Variants in ICAM3 observed in about 807,000 individuals in gnomAD.
ICAM3 encodes intercellular adhesion molecule 3.
ICAM3 carries 54 observed loss-of-function variants against 43.6 expected under a neutral mutation model. That is an observed-to-expected ratio of 1.24 (90% confidence interval 0.99 to 1.55). The LOEUF (loss-of-function observed/expected upper bound fraction) is 1.55. Ranked by LOEUF, ICAM3 falls within the 40% of genes most tolerant of loss-of-function variation. ICAM3 has a pLI of 0.00. For missense variants in ICAM3, 715 were observed against 717.9 expected, an observed-to-expected ratio of 1.00 and a Z score of 0.05; for synonymous variants, 306 against 312.6, an observed-to-expected ratio of 0.98 and a Z score of 0.22.
chr19:10,335,017 A>G (rs1414716813), intron 4 of ICAM3, 49 bp downstream of exon 4: 1 of 1,575,798 alleles, frequency 6.3e-7, no homozygotes, highest in South Asian at 1.2e-5. Context: ...CCCCTCTGCC[A>G]CGCCCCCAGA....
rs369091029 is a variant in ICAM3 at position 10,338,922 on chromosome 19, G to A, written c.103C>T (p.Arg35Trp). 34 of 1,613,802 alleles carry A rather than the reference G, an allele frequency of 2.1e-5. No homozygotes were observed. Among genetic ancestry groups the A allele is most frequent in the Middle Eastern group, 1.6e-4 (1 of 6,084 alleles). ...PGVQGQEFLLRVEPQNPVLSA... is the reference protein window; with the variant it reads ...PGVQGQEFLLWVEPQNPVLSA... Reference sequence around the variant, plus strand: ...AGCACAGGGTTCTGGGGCTCCACCCGCAAAAGGAACTCCTGCCCCTGGACA... The same window carrying A: ...AGCACAGGGTTCTGGGGCTCCACCCACAAAAGGAACTCCTGCCCCTGGACA... Residue 35 changes from arginine (R) to tryptophan (W), a missense_variant, in exon 2 of 7, where the codon CGG becomes TGG. Arg to Trp is a moderately radical substitution (Grantham distance 101, BLOSUM62 -3). Coordinates refer to ENST00000160262, the MANE Select transcript of ICAM3 (RefSeq NM_002162.5).
chr19:10,335,066 T>C lies in ICAM3; in HGVS notation c.937A>G (p.Ser313Gly). 1.9e-6 allele frequency: 3 copies of C among 1,611,872 alleles called. No homozygotes were observed. Among genetic ancestry groups the C allele is most frequent in the Middle Eastern group, 1.7e-4 (1 of 6,050 alleles). Residue 313 changes from serine (S) to glycine (G), a missense_variant and splice_region_variant, in exon 4 of 7, where the codon AGC (serine) becomes GGC (glycine). Ser to Gly is a moderately conservative substitution (Grantham distance 56). Transcript: ENST00000160262. ...REARENLTVF[S>G]FLGPIVNLSE... ...GCCCCCTTCCCACGCCTCCTCTTAC[T>C]AAAGACCGTCAAGTTCTCCCGGGCC... is the stretch of plus-strand genomic sequence containing the variant.
In ICAM3 at chr19:10,335,996, T is replaced by C; in HGVS notation, c.344-20A>G. ...GGAGCCCTGAGAGAGGAGGGGAGGA[T>C]GGCACTTAGCGGGTCCTGCAAACCC... is the stretch of plus-strand genomic sequence containing the variant. On this transcript the variant is annotated intron_variant, in intron 2 of 6. Coordinates refer to ENST00000160262, the MANE Select transcript of ICAM3 (RefSeq NM_002162.5). The C allele has an allele frequency of 6.6e-7, 1 of 1,525,600 alleles. No individual in the cohort carries two copies. Among genetic ancestry groups the C allele is most frequent in the Non-Finnish European group, 8.8e-7 (1 of 1,139,090 alleles). The allele number at this position is 1,525,600 out of a possible 1,614,324, so 94.5% of individuals were successfully genotyped here.
intron 2 of ICAM3, among the ~76,000 whole-genome samples, chr19:10,337,433 A>AG (rs1293096465): frequency 2.0e-5 from 3 of 149,418 alleles, no homozygotes; most frequent in Non-Finnish European, 4.5e-5. Flanking sequence ...AAAAAAAAAG[A>AG]AAAGAAAAGA....
chr19:10,336,015 C>T (rs2040595672), intron 2 of ICAM3, 39 bp from the exon 3 acceptor site: 1 of 1,489,810 alleles, frequency 6.7e-7, no homozygotes, highest in Non-Finnish European at 8.9e-7. Context: ...GCGGGTCCTG[C>T]AAACCCACCC....
At chr19:10,337,066 C>T (rs2040606249) in intron 2 of ICAM3, among the ~76,000 whole-genome samples, 1 of 151,502 alleles carries the variant, frequency 6.6e-6, no homozygotes, top group African/African-American at 2.4e-5. Context: ...GCTGACATCG[C>T]GCCATTGTAC....
rs369522828 is a variant in ICAM3 at position 10,335,830 on chromosome 19, G to C, written c.490C>G (p.Gln164Glu). 2 of 1,612,098 alleles carry C rather than the reference G, an allele frequency of 1.2e-6. No homozygotes were observed. The highest frequency in any genetic ancestry group is 8.5e-7 in the Non-Finnish European group (1 of 1,179,846). ...TCCGCTGGCTCCTCCACTGCGGGCT[G>C]CCGGCTCAGCTCCTCCTCCCAGCGA... The part of the protein sequence containing the change: ...LLRWEEELSR[Q>E]PAVEEPAEVT... The change falls in exon 3 of 7, where the codon CAG becomes GAG. Residue 164 changes from glutamine to glutamate, a missense_variant. Gln to Glu is a conservative substitution (Grantham distance 29). Transcript: ENST00000160262.
chr19:10,336,028 T>C (rs2040595813), intron 2 of ICAM3, 52 bp from the exon 3 acceptor site: 1 of 1,468,894 alleles, frequency 6.8e-7, no homozygotes. Flanking sequence ...ACCCACCCAC[T>C]CACCCCAGGG....
chr19:10,338,933 T>TCCTGCC lies in ICAM3; in HGVS notation c.86_91dup (p.Gly29_Gln30dup), dbSNP rs2040627029. 6.2e-7 allele frequency: 1 copy of TCCTGCC among 1,613,912 alleles called. No homozygotes were observed. ...CTGGGGCTCCACCCGCAAAAGGAAC[T>TCCTGCC]CCTGCCCCTGGACACCTTCAGGAAC... On this transcript the variant is annotated inframe_insertion, in exon 2 of 7. Coordinates refer to ENST00000160262, the MANE Select transcript of ICAM3 (RefSeq NM_002162.5).
In ICAM3 at chr19:10,335,087, G is replaced by A. The variant is rs773151947; in HGVS notation, c.916C>T (p.Arg306Trp). Residue 306 changes from arginine to tryptophan, a missense_variant, in exon 4 of 7, where the codon CGG becomes TGG. By Grantham distance (101) the Arg-to-Trp change is moderately radical. Transcript: ENST00000160262. ...VTLGGERREA[R>W]ENLTVFSFLG... is the part of the protein sequence containing the mutation. ...TTACTAAAGACCGTCAAGTTCTCCC[G>A]GGCCTCCCGTCTCTCGCCCCCTAGG... 6.2e-7 allele frequency: 1 copy of A among 1,613,034 alleles called. No homozygotes were observed. Among genetic ancestry groups the A allele is most frequent in the East Asian group, 2.2e-5 (1 of 44,840 alleles).
At position 10,334,436 on chromosome 19, in the gene ICAM3, A is replaced by G. The variant is rs2040561783; in HGVS notation, c.1193-28T>C. 1.9e-6 allele frequency: 3 copies of G among 1,612,514 alleles called. No individual in the cohort carries two copies. Among genetic ancestry groups the G allele is most frequent in the East Asian group, 2.2e-5 (1 of 44,860 alleles). Reference sequence around the variant, plus strand: ...GTGGAACCACCATGTGTGATCAGACACCCAACACACCCGAGGCACAGTGGT... The same window carrying G: ...GTGGAACCACCATGTGTGATCAGACGCCCAACACACCCGAGGCACAGTGGT... On this transcript the variant is annotated intron_variant, in intron 5 of 6. Transcript: ENST00000160262. This position sits in a 1 kb window ranked among gnomAD's most constrained non-coding sequence, Gnocchi z 5.5.
At chr19:10,339,400 A>T in intron 1 of ICAM3, 139 bp downstream of exon 1, 1 of 729,272 alleles carries the variant, frequency 1.4e-6, no homozygotes, top group Non-Finnish European at 2.3e-6. Flanking sequence ...AGGAACCAGA[A>T]CTTTCTCCCG....
intron 4 of ICAM3, 55 bp downstream of exon 4, chr19:10,335,010 CT>C: frequency 6.4e-7 from 1 of 1,571,802 alleles, no homozygotes; most frequent in Non-Finnish European, 8.6e-7. Context: ...TCTCCGCCCC[CT>C]CTGCCACGCC....
chr19:10,337,124 G>A (rs1303500504), intron 2 of ICAM3, among the ~76,000 whole-genome samples: 1 of 149,616 alleles, frequency 6.7e-6, no homozygotes, highest in Non-Finnish European at 1.5e-5. Context: ...GAAAAGAAAA[G>A]TCAAAAAGTA....
intron 2 of ICAM3, among the ~76,000 whole-genome samples, 194 bp downstream of exon 2, chr19:10,338,486 CTA>C (rs1334054614): frequency 1.3e-5 from 2 of 152,014 alleles, no homozygotes; most frequent in East Asian, 1.9e-4. Context: ...AGATGCGTCT[CTA>C]TATCTCTGTC....
rs562740251 is a variant in ICAM3, at chr19:10,334,470, G to T, written c.1192+58C>A. 6.2e-7 allele frequency: 1 copy of T among 1,606,744 alleles called. No homozygotes were observed. The highest frequency in any genetic ancestry group is 2.2e-5 in the East Asian group (1 of 44,792). ...ACCCGAGGCACAGTGGTGCAGAGGA[G>T]CGTCTAATCTTTCCAGGGCAGGGGT... On this transcript the variant is annotated intron_variant, in intron 5 of 6. Transcript: ENST00000160262. The surrounding 1 kb of genome is among the most constrained non-coding windows in gnomAD (Gnocchi z 5.5).
In ICAM3 at chr19:10,339,505, C is replaced by T. The variant is rs766746896; in HGVS notation, c.76+34G>A. The T allele has an allele frequency of 9.4e-6, 15 of 1,597,080 alleles. No individual in the cohort carries two copies. In the Admixed American group the frequency reaches 1.9e-4, roughly 20 times the overall value. On this transcript the variant is annotated intron_variant, in intron 1 of 6. Transcript: ENST00000160262. The stretch of plus-strand genomic sequence containing the variant: ...CCTCTACTGATCCCCAAAACGCAGC[C>T]CTCTCCAGCCCTCCCCGGCTTGACT...
intron 2 of ICAM3, among the ~76,000 whole-genome samples, chr19:10,338,103 A>C (rs1455200845): frequency 6.7e-6 from 1 of 149,504 alleles, no homozygotes; most frequent in African/African-American, 2.5e-5. Flanking sequence ...CATCTCAAAA[A>C]AAAAAAAAAG....
In ICAM3 at chr19:10,337,374, G is replaced by A. The variant is rs867944746; in HGVS notation, c.343+1308C>T. The stretch of plus-strand genomic sequence containing the variant: ...AGAGGTTGCAGTGAGCCAAGATTGC[G>A]CCACTGCACTCTAGCCTGGGGGACA... On this transcript the variant is annotated intron_variant, in intron 2 of 6. Transcript: ENST00000160262. 5.5e-4 allele frequency among the ~76,000 whole-genome samples: 80 copies of A among 146,382 alleles called. 1 individual carries two copies. The highest frequency in any genetic ancestry group is 2.0e-3 in the African/African-American group (78 of 39,620).
Sources: allele counts gnomAD v4.1 joint callset (sites outside exome capture counted in the v4.1 genomes callset), GRCh38; gene constraint gnomAD v4.1.1; non-coding constraint Gnocchi (gnomAD v3.1); transcripts MANE v1.5; gene names NCBI Gene and HGNC (gene_info 2026-07-23, HGNC 2026-07-21).